PTPRR: variants seen among roughly 807,000 people sequenced by gnomAD.
The protein encoded by PTPRR is protein tyrosine phosphatase receptor type R.
PTPRR carries 38 observed loss-of-function variants against 77.2 expected under a neutral mutation model. That is an observed-to-expected ratio of 0.49 (90% confidence interval 0.38 to 0.65). The LOEUF is 0.65. Ranked by LOEUF, PTPRR falls within the 30% of genes least tolerant of loss-of-function variation. The pLI is 0.00. For missense variants in PTPRR, 744 were observed against 799.2 expected, an observed-to-expected ratio of 0.93 and a Z score of 0.83; for synonymous variants, 299 against 283.1, an observed-to-expected ratio of 1.06 and a Z score of -0.57.
intron 12 of PTPRR, among the ~76,000 whole-genome samples, chr12:70,658,658 G>A (rs1470422666): frequency 6.6e-6 from 1 of 151,386 alleles, no homozygotes; most frequent in Non-Finnish European, 1.5e-5. Context: ...GGAACTATGG[G>A]AAATAAAGAT....
chr12:70,746,213 T>A (rs1404457517), intron 5 of PTPRR, 127 bp from the exon 6 acceptor site: 4 of 869,546 alleles, frequency 4.6e-6, no homozygotes. Flanking sequence ...CAAAGCCCTC[T>A]GAGAGATGAT....
chr12:70,866,275 G>A (rs1311525468), intron 2 of PTPRR, among the ~76,000 whole-genome samples: 2 of 152,052 alleles, frequency 1.3e-5, no homozygotes, highest in Non-Finnish European at 2.9e-5. Flanking sequence ...CAACAAAATC[G>A]ATAGACCGCT....
chr12:70,794,476 A>G (rs1444598759), intron 2 of PTPRR, among the ~76,000 whole-genome samples: 2 of 152,218 alleles, frequency 1.3e-5, no homozygotes, highest in Admixed American at 6.5e-5. Context: ...GGGAGGGAAG[A>G]GGAATGTAGA....
chr12:70,883,868 T>G (rs568338255), intron 2 of PTPRR, among the ~76,000 whole-genome samples: 1 of 152,338 alleles, frequency 6.6e-6, no homozygotes, highest in Non-Finnish European at 1.5e-5. Context: ...GCTCCTACAT[T>G]TCCATCTGTT....
chr12:70,804,139 CTG>C (rs58442488), intron 2 of PTPRR, among the ~76,000 whole-genome samples: 3,727 of 137,280 alleles, frequency 0.027, 88 homozygotes, highest in African/African-American at 0.071. Context: ...GTTCCTGGCT[CTG>C]TGTGTGTGTG....
chr12:70,651,937 C>T (rs1886410688), intron 13 of PTPRR, among the ~76,000 whole-genome samples: 1 of 151,438 alleles, frequency 6.6e-6, no homozygotes, highest in African/African-American at 2.4e-5. Context: ...GCTTCTTTTC[C>T]TTCACTTGGG....
chr12:70,858,762 A>G (rs1463647329), intron 2 of PTPRR, among the ~76,000 whole-genome samples: 2 of 152,016 alleles, frequency 1.3e-5, no homozygotes, highest in African/African-American at 4.8e-5. Flanking sequence ...CCATATCTTT[A>G]TAAAGGCTAC....
chr12:70,780,710 G>C (rs1891186265), intron 2 of PTPRR, among the ~76,000 whole-genome samples: 1 of 152,092 alleles, frequency 6.6e-6, no homozygotes, highest in Admixed American at 6.6e-5. Context: ...ATGATATTGG[G>C]AGGAAATGCT....
intron 4 of PTPRR, chr12:70,754,803 T>C (rs1425160587): frequency 3.5e-5 from 50 of 1,425,132 alleles, no homozygotes; most frequent in Non-Finnish European, 4.6e-5. Flanking sequence ...TTCTTTCTTT[T>C]AATCACATCT....
chr12:70,901,061 A>T (rs1296807216), intron 1 of PTPRR, among the ~76,000 whole-genome samples: 2 of 151,578 alleles, frequency 1.3e-5, no homozygotes, highest in Admixed American at 1.3e-4. Context: ...CCCAAAATTC[A>T]AAATACTCCA....
At chr12:70,656,574 A>C in intron 13 of PTPRR, 130 bp downstream of exon 13, 1 of 642,294 alleles carries the variant, frequency 1.6e-6, no homozygotes, top group Non-Finnish European at 2.8e-6. Flanking sequence ...CATATACTTA[A>C]GCATTTTACA....
At chr12:70,795,913 AT>A (rs71437157) in intron 2 of PTPRR, among the ~76,000 whole-genome samples, 891 of 88,048 alleles carry the variant, frequency 0.01, 57 homozygotes, top group African/African-American at 0.032. Context: ...TATTTAGTAG[AT>A]TTTTTTTTTT....
At chr12:70,852,409 C>T (rs1892585931) in intron 2 of PTPRR, among the ~76,000 whole-genome samples, 1 of 152,048 alleles carries the variant, frequency 6.6e-6, no homozygotes, top group Non-Finnish European at 1.5e-5. Flanking sequence ...TTACAAATGG[C>T]ATAGTTAACT....
chr12:70,656,983 C>CATTTAATTATAATTTTACATTTA (rs1322073364), intron 12 of PTPRR, among the ~76,000 whole-genome samples, 166 bp from the exon 13 acceptor site: 4 of 122,034 alleles, frequency 3.3e-5, no homozygotes, highest in African/African-American at 1.3e-4. Context: ...TATATTTTTA[C>CATTTAATTATAATTTTACATTTA]ATTTAATTAT....
intron 2 of PTPRR, among the ~76,000 whole-genome samples, chr12:70,840,827 G>C (rs1007655184): frequency 6.6e-6 from 1 of 152,050 alleles, no homozygotes; most frequent in African/African-American, 2.4e-5. Context: ...GTAAGATAAA[G>C]GGCATTCCAG....
intron 2 of PTPRR, among the ~76,000 whole-genome samples, chr12:70,845,803 C>G (rs17108888): frequency 0.026 from 3,944 of 152,194 alleles, 178 homozygotes; most frequent in African/African-American, 0.089. Flanking sequence ...CTACATTTCT[C>G]TCTGTGAAGT....
chr12:70,826,234 C>T (rs1892106303), intron 2 of PTPRR, among the ~76,000 whole-genome samples: 3 of 152,104 alleles, frequency 2.0e-5, no homozygotes, highest in Admixed American at 2.0e-4. Context: ...TAACACCTTT[C>T]CTCCAATTAA....
chr12:70,718,702 A>C (rs1392787886), intron 6 of PTPRR, among the ~76,000 whole-genome samples: 3 of 152,232 alleles, frequency 2.0e-5, no homozygotes, highest in African/African-American at 7.2e-5. Context: ...TTCATGCTAA[A>C]AATAGTTTTC....
Position 70,738,135 on chromosome 12 carries a change from C to T in PTPRR, c.1007+7683G>A, listed in dbSNP as rs376864717. On this transcript the variant is annotated intron_variant, in intron 6 of 13. Coordinates refer to ENST00000283228, the MANE Select transcript of PTPRR (RefSeq NM_002849.4). Reference sequence around the variant, plus strand: ...TTTTCATTGCTTCCACCATTGCAGACAAATTTCTAGTTCTGATAAAAATCT... The same window carrying T: ...TTTTCATTGCTTCCACCATTGCAGATAAATTTCTAGTTCTGATAAAAATCT... Among the ~76,000 whole-genome samples, 26 of 152,250 alleles carry T rather than the reference C, an allele frequency of 1.7e-4. No individual in the cohort carries two copies. In the Middle Eastern group the frequency reaches 0.017, roughly 100 times the overall value.
Sources: allele counts gnomAD v4.1 joint callset (sites outside exome capture counted in the v4.1 genomes callset), GRCh38; gene constraint gnomAD v4.1.1; transcripts MANE v1.5; gene names NCBI Gene and HGNC (gene_info 2026-07-23, HGNC 2026-07-21).